The following SPR variants were observed in gnomAD, a reference collection of about 807,000 sequenced individuals.
The protein encoded by SPR is Sepiapterin reductase (L-erythro-7,8-dihydrobiopterin forming).
A neutral mutation model predicts 16.0 loss-of-function variants in SPR; 12 were observed. The observed-to-expected ratio is 0.75, with a 90% confidence interval of 0.48 to 1.22. SPR has a LOEUF of 1.22. Ranked by LOEUF, SPR falls within the 50% of genes most tolerant of loss-of-function variation. The pLI is 0.00. For synonymous variants in SPR, 177 were observed against 168.5 expected, an observed-to-expected ratio of 1.05 and a Z score of -0.39; for missense variants, 324 against 344.4, an observed-to-expected ratio of 0.94 and a Z score of 0.47.
At chr2:72,890,751 G>T (rs1452561582) in intron 2 of SPR, among the ~76,000 whole-genome samples, 1 of 152,168 alleles carries the variant, frequency 6.6e-6, no homozygotes, top group Non-Finnish European at 1.5e-5. Context: ...GTTTCACCAT[G>T]TTGGCCAGGC....
rs771879757 is a variant in SPR, at chr2:72,891,584, A to G, written c.*47A>G. On this transcript the variant is annotated 3_prime_UTR_variant, in exon 3 of 3. Transcript: ENST00000234454. ...AACCTTTTTGCCCCCACTTTTAGAC[A>G]TACCCCAGAGCCCTGTGGCTCCCCA... is the stretch of plus-strand genomic sequence containing the variant. 6 of 1,608,096 alleles carry G rather than the reference A, an allele frequency of 3.7e-6. No individual in the cohort carries two copies. The highest frequency in any genetic ancestry group is 3.3e-5 in the Admixed American group (2 of 59,754).
rs1366748724 is a variant in SPR, at chr2:72,888,390, C to T, written c.381C>T (p.Asn127=). Residue 127 remains asparagine (N), a synonymous_variant, in exon 2 of 3, where the codon AAC becomes AAT. Coordinates refer to ENST00000234454, the MANE Select transcript of SPR (RefSeq NM_003124.5). ...STQVNNYWAL[N]LTSMLCLTSS... is the part of the protein sequence containing the mutation. The stretch of plus-strand genomic sequence containing the variant: ...AAGTGAACAACTACTGGGCACTGAA[C>T]TTGACCTCCATGCTCTGCCTGACTT... 2 of 1,614,084 alleles carry T rather than the reference C, an allele frequency of 1.2e-6. No individual in the cohort carries two copies. Among genetic ancestry groups the T allele is most frequent in the Non-Finnish European group, 1.7e-6 (2 of 1,180,032 alleles).
chr2:72,888,609 G>A lies in SPR; in HGVS notation c.595+5G>A, dbSNP rs776358041. On this transcript the variant is annotated splice_donor_5th_base_variant and intron_variant, in intron 2 of 2. Transcript: ENST00000234454. The stretch of plus-strand genomic sequence containing the variant: ...GGGTGCTGAACTATGCCCCAGGTAG[G>A]TGGGAAGTCCTGCCGTCCCTGTCCT... 1.1e-5 allele frequency: 18 copies of A among 1,589,262 alleles called. No homozygotes were observed. The South Asian group carries it at 2.1e-4, about 18-fold the overall frequency.
Position 72,891,672 on chromosome 2 carries a change from T to G in SPR, c.*135T>G. ...AGCATTCATGCCTGCTGCCCTGCCCTCAGGCACAGCCAGCTGTGAGCTCCC... is the reference window on the plus strand; with the variant it reads ...AGCATTCATGCCTGCTGCCCTGCCCGCAGGCACAGCCAGCTGTGAGCTCCC... On this transcript the variant is annotated 3_prime_UTR_variant, in exon 3 of 3. Coordinates refer to ENST00000234454, the MANE Select transcript of SPR (RefSeq NM_003124.5). 2.9e-6 allele frequency: 3 copies of G among 1,043,478 alleles called. No individual in the cohort carries two copies. The highest frequency in any genetic ancestry group is 4.3e-6 in the Non-Finnish European group (3 of 698,232). The allele number at this position is 1,043,478 out of a possible 1,614,324, so 64.6% of individuals were successfully genotyped here.
chr2:72,887,530 CCGGCTCCGTGCTTGTCCTTAG>C lies in SPR; in HGVS notation c.101_121del (p.Gly34_Ser40del). The C allele has an allele frequency of 1.3e-6, 2 of 1,482,908 alleles. No homozygotes were observed. The highest frequency in any genetic ancestry group is 1.8e-6 in the Non-Finnish European group (2 of 1,123,320). 91.9% of individuals were successfully genotyped at this position (1,482,908 alleles called of 1,614,324 possible). The stretch of plus-strand genomic sequence containing the variant: ...CCGCTCCTGGCCTCGCTGCTGTCGC[CCGGCTCCGTGCTTGTCCTTAG>C]CGCCCGCAACGACGAGGCACTGCGC... On this transcript the variant is annotated inframe_deletion, in exon 1 of 3. Transcript: ENST00000234454.
Position 72,887,537 on chromosome 2 carries a change from C to G in SPR, c.105C>G (p.Ser35=). 6.8e-7 allele frequency: 1 copy of G among 1,468,564 alleles called. No individual in the cohort carries two copies. Among genetic ancestry groups the G allele is most frequent in the South Asian group, 1.3e-5 (1 of 75,922 alleles). The allele number at this position is 1,468,564 out of a possible 1,614,324, so 91.0% of individuals were successfully genotyped here. Residue 35 remains serine, a synonymous_variant, in exon 1 of 3, where the codon TCC becomes TCG. Coordinates refer to ENST00000234454, the MANE Select transcript of SPR (RefSeq NM_003124.5). ...TGGCCTCGCTGCTGTCGCCCGGCTC[C>G]GTGCTTGTCCTTAGCGCCCGCAACG... ...PLLASLLSPG[S]VLVLSARNDE...
rs1288155802 is a variant in SPR at position 72,891,791 on chromosome 2, A to G, written c.*254A>G. The G allele has an allele frequency of 7.3e-6, 4 of 544,752 alleles. No homozygotes were observed. The highest frequency in any genetic ancestry group is 3.2e-5 in the East Asian group (1 of 31,608). 33.7% of individuals were successfully genotyped at this position (544,752 alleles called of 1,614,324 possible). ...AGAGGTTATGGGTATTGGTGTCTCT[A>G]TCCCCAGGAATAGAACTTAAGGGGT... is the stretch of plus-strand genomic sequence containing the variant. On this transcript the variant is annotated 3_prime_UTR_variant, in exon 3 of 3. Coordinates refer to ENST00000234454, the MANE Select transcript of SPR (RefSeq NM_003124.5).
chr2:72,890,016 G>T (rs1288799537), intron 2 of SPR, among the ~76,000 whole-genome samples: 1 of 152,370 alleles, frequency 6.6e-6, no homozygotes, highest in East Asian at 1.9e-4. Context: ...GGGTGCATGA[G>T]TGATTCCTAT....
Position 72,888,431 on chromosome 2 carries a change from C to G in SPR, c.422C>G (p.Ala141Gly), listed in dbSNP as rs747683661. The G allele has an allele frequency of 6.2e-7, 1 of 1,614,012 alleles. No individual in the cohort carries two copies. Among genetic ancestry groups the G allele is most frequent in the Non-Finnish European group, 8.5e-7 (1 of 1,179,938 alleles). Residue 141 changes from alanine (A) to glycine (G), a missense_variant, in exon 2 of 3, where the codon GCC becomes GGC. Coordinates refer to ENST00000234454, the MANE Select transcript of SPR (RefSeq NM_003124.5). ...MLCLTSSVLK[A>G]FPDSPGLNRT... is the part of the protein sequence containing the mutation. ...TGCCTGACTTCCAGCGTCCTGAAGG[C>G]CTTCCCGGACAGTCCTGGCCTCAAC...
chr2:72,888,609 G>T lies in SPR; in HGVS notation c.595+5G>T, dbSNP rs776358041. On this transcript the variant is annotated splice_donor_5th_base_variant and intron_variant, in intron 2 of 2. Coordinates refer to ENST00000234454, the MANE Select transcript of SPR (RefSeq NM_003124.5). Reference sequence around the variant, plus strand: ...GGGTGCTGAACTATGCCCCAGGTAGGTGGGAAGTCCTGCCGTCCCTGTCCT... The same window carrying T: ...GGGTGCTGAACTATGCCCCAGGTAGTTGGGAAGTCCTGCCGTCCCTGTCCT... The T allele has an allele frequency of 6.3e-7, 1 of 1,589,380 alleles. No homozygotes were observed. The highest frequency in any genetic ancestry group is 1.7e-5 in the Admixed American group (1 of 58,004).
In SPR at chr2:72,887,492, C is replaced by T; in HGVS notation, c.60C>T (p.Gly20=). 1 of 1,498,790 alleles carries T rather than the reference C, an allele frequency of 6.7e-7. No individual in the cohort carries two copies. Among genetic ancestry groups the T allele is most frequent in the Non-Finnish European group, 8.9e-7 (1 of 1,129,812 alleles). 92.8% of individuals were successfully genotyped at this position (1,498,790 alleles called of 1,614,324 possible). The change falls in exon 1 of 3, where the codon GGC becomes GGT. Residue 20 remains glycine (G), a synonymous_variant. Coordinates refer to ENST00000234454, the MANE Select transcript of SPR (RefSeq NM_003124.5). The part of the protein sequence containing the change: ...CLLTGASRGF[G]RTLAPLLASL... ...TGACCGGGGCCTCCCGCGGCTTCGG[C>T]CGGACGCTGGCCCCGCTCCTGGCCT...
Position 72,891,536 on chromosome 2 carries a change from A to G in SPR, c.785A>G (p.Ter262=), listed in dbSNP as rs145082655. 7.4e-4 allele frequency: 1,188 copies of G among 1,614,228 alleles called. 13 individuals carry two copies. The African/African-American group carries it at 0.013, about 18-fold the overall frequency. ...GCCCACGTGGACTTCTATGACAAAT[A>G]AGCCCATGTTTTTGGCTTCCTGAAC... ...SGAHVDFYDK[*] The change falls in exon 3 of 3, where the codon TAA becomes TGA. Residue 262 remains the stop codon, a stop_retained_variant. Coordinates refer to ENST00000234454, the MANE Select transcript of SPR (RefSeq NM_003124.5).
At position 72,888,521 on chromosome 2, in the gene SPR, G is replaced by A. The variant is rs1670576656; in HGVS notation, c.512G>A (p.Cys171Tyr). 5 of 1,608,632 alleles carry A rather than the reference G, an allele frequency of 3.1e-6. No homozygotes were observed. In the East Asian group the frequency reaches 8.9e-5, roughly 29 times the overall value. The change falls in exon 2 of 3, where the codon TGT (cysteine) becomes TAT (tyrosine). Residue 171 changes from cysteine (C) to tyrosine (Y), a missense_variant. Cys to Tyr is a radical substitution (Grantham distance 194). Transcript: ENST00000234454. ...LQPFKGWALY[C>Y]AGKAARDMLF... The stretch of plus-strand genomic sequence containing the variant: ...CCTTTCAAAGGCTGGGCGCTGTACT[G>A]TGCAGGAAAGGCTGCTCGTGATATG...
At position 72,891,884 on chromosome 2, in the gene SPR, T is replaced by C; in HGVS notation, c.*347T>C. The C allele has an allele frequency of 2.9e-6, 1 of 342,078 alleles. No individual in the cohort carries two copies. Among genetic ancestry groups the C allele is most frequent in the Non-Finnish European group, 5.6e-6 (1 of 177,736 alleles). The allele number at this position is 342,078 out of a possible 1,614,324, so 21.2% of individuals were successfully genotyped here. A position where few individuals can be genotyped will look rare whatever the true frequency, so the allele number is the denominator to read the frequency against. ...TTGTGTCTCTTGCTCATAGCAAGCC[T>C]GTGGGTAGAGGAAAGAGTGATCTGG... On this transcript the variant is annotated 3_prime_UTR_variant, in exon 3 of 3. Transcript: ENST00000234454.
rs1321325323 is a variant in SPR, at chr2:72,891,874, A to T, written c.*337A>T. On this transcript the variant is annotated 3_prime_UTR_variant, in exon 3 of 3. Transcript: ENST00000234454. ...AGAGAGGAGGTTGTGTCTCTTGCTC[A>T]TAGCAAGCCTGTGGGTAGAGGAAAG... 5.5e-6 allele frequency: 2 copies of T among 365,300 alleles called. No homozygotes were observed. Among genetic ancestry groups the T allele is most frequent in the South Asian group, 2.7e-5 (1 of 36,740 alleles). 22.6% of individuals were successfully genotyped at this position (365,300 alleles called of 1,614,324 possible). A position where few individuals can be genotyped will look rare whatever the true frequency, so the allele number is the denominator to read the frequency against.
Position 72,887,426 on chromosome 2 carries a change from C to A in SPR, c.-7C>A. 1 of 1,486,616 alleles carries A rather than the reference C, an allele frequency of 6.7e-7. No individual in the cohort carries two copies. Among genetic ancestry groups the A allele is most frequent in the Non-Finnish European group, 8.9e-7 (1 of 1,123,612 alleles). The allele number at this position is 1,486,616 out of a possible 1,614,324, so 92.1% of individuals were successfully genotyped here. On this transcript the variant is annotated 5_prime_UTR_variant, in exon 1 of 3. Transcript: ENST00000234454. ...GGGTGCCAGCGCCGCCGGCGGAGAA[C>A]AGGAGCATGGAGGGCGGGCTGGGGC...
intron 2 of SPR, 141 bp from the exon 3 acceptor site, chr2:72,891,206 C>T: frequency 1.1e-6 from 1 of 899,114 alleles, no homozygotes; most frequent in East Asian, 2.6e-5. Context: ...TTTGGCAACC[C>T]TGACCACACA....
intron 1 of SPR, 146 bp from the exon 2 acceptor site, chr2:72,888,168 G>T: frequency 1.2e-6 from 1 of 834,618 alleles, no homozygotes; most frequent in Non-Finnish European, 2.0e-6. Context: ...CCGCAGAGCT[G>T]GGGAAGAGAG....
chr2:72,888,437 C>G lies in SPR; in HGVS notation c.428C>G (p.Pro143Arg). Reference protein sequence around the residue: ...CLTSSVLKAFPDSPGLNRTVV... With the variant: ...CLTSSVLKAFRDSPGLNRTVV... ...ACTTCCAGCGTCCTGAAGGCCTTCC[C>G]GGACAGTCCTGGCCTCAACAGAACC... is the stretch of plus-strand genomic sequence containing the variant. The change falls in exon 2 of 3, where the codon CCG becomes CGG. Residue 143 changes from proline (P) to arginine (R), a missense_variant. Coordinates refer to ENST00000234454, the MANE Select transcript of SPR (RefSeq NM_003124.5). 4 of 1,614,036 alleles carry G rather than the reference C, an allele frequency of 2.5e-6. No individual in the cohort carries two copies. Among genetic ancestry groups the G allele is most frequent in the Non-Finnish European group, 3.4e-6 (4 of 1,179,948 alleles).
Sources: allele counts gnomAD v4.1 joint callset (sites outside exome capture counted in the v4.1 genomes callset), GRCh38; gene constraint gnomAD v4.1.1; transcripts MANE v1.5; gene names NCBI Gene and HGNC (gene_info 2026-07-23, HGNC 2026-07-21).